DNAAF9: variants seen among roughly 807,000 people sequenced by gnomAD.
DNAAF9 encodes the protein shulin.
DNAAF9 carries 90 observed loss-of-function variants against 167.0 expected under a neutral mutation model. That is an observed-to-expected ratio of 0.54 (90% CI 0.45 to 0.64). DNAAF9 has a LOEUF of 0.64. DNAAF9 is among the 30% of genes least tolerant of loss of function. The pLI, the probability that DNAAF9 is intolerant of heterozygous loss-of-function variation, is 0.00. For missense variants in DNAAF9, 1,315 were observed against 1,442.2 expected (o/e 0.91, Z 1.43); for synonymous variants, 491 against 508.8 (o/e 0.96, Z 0.47).
intron 1 of DNAAF9, among the ~76,000 whole-genome samples, chr20:3,383,247 G>T (rs1199925052): frequency 1.4e-5 from 2 of 147,578 alleles, no homozygotes; most frequent in East Asian, 3.9e-4. Flanking sequence ...TCCAGGATCT[G>T]CCTCTAATAC....
rs1385233584 is a variant in DNAAF9 at position 3,323,560 on chromosome 20, C to T, written c.1266-864G>A. ...CCTCCCAAAGTGTTAAGATTACAGGCGTGAGCCACTGCGCCCCGCCCTCAG... is the reference window on the plus strand; with the variant it reads ...CCTCCCAAAGTGTTAAGATTACAGGTGTGAGCCACTGCGCCCCGCCCTCAG... On this transcript the variant is annotated intron_variant, in intron 14 of 36. Transcript: ENST00000252032. Among the ~76,000 whole-genome samples the T allele has an allele frequency of 3.9e-5, 6 of 152,166 alleles. No homozygotes were observed. The South Asian group carries it at 6.2e-4, about 16-fold the overall frequency.
chr20:3,253,922 T>C, intron 35 of DNAAF9, 103 bp from the exon 36 acceptor site: 1 of 707,518 alleles, frequency 1.4e-6, no homozygotes, highest in Admixed American at 2.3e-5. Context: ...TAGACTACTC[T>C]GCTATACAGA....
In DNAAF9 at chr20:3,377,239, T is replaced by C. The variant is rs2083587774; in HGVS notation, c.284-937A>G. On this transcript the variant is annotated intron_variant, in intron 3 of 36. Coordinates refer to ENST00000252032, the MANE Select transcript of DNAAF9 (RefSeq NM_001009984.3). ...CAGACTTAAAAAGGTACCAGATTCT[T>C]AGTTGATCTCCCCTGGATCAGGAAA... Among the ~76,000 whole-genome samples, 3 of 152,120 alleles carry C rather than the reference T, an allele frequency of 2.0e-5. No individual in the cohort carries two copies. In the South Asian group the frequency reaches 6.2e-4, roughly 32 times the overall value.
chr20:3,253,459 A>C (rs1410276708), intron 36 of DNAAF9, among the ~76,000 whole-genome samples: 2 of 152,208 alleles, frequency 1.3e-5, no homozygotes, highest in East Asian at 3.8e-4. Flanking sequence ...AAATTAAAAC[A>C]AGACAAAACC....
intron 12 of DNAAF9, among the ~76,000 whole-genome samples, chr20:3,328,890 G>GAT (rs1315044539): frequency 7.6e-6 from 1 of 131,438 alleles, no homozygotes; most frequent in African/African-American, 2.9e-5. Context: ...TTTTTTTTGA[G>GAT]ATAGAGTCTT....
At chr20:3,368,161 C>T (rs77488851) in intron 6 of DNAAF9, among the ~76,000 whole-genome samples, 9,464 of 152,176 alleles carry the variant, frequency 0.062, 376 homozygotes, top group Non-Finnish European at 0.082. Flanking sequence ...AATCTTTGGA[C>T]GGTTCTTTCC....
At chr20:3,262,830 G>A (rs2068416093) in intron 31 of DNAAF9, among the ~76,000 whole-genome samples, 1 of 152,108 alleles carries the variant, frequency 6.6e-6, no homozygotes, top group Non-Finnish European at 1.5e-5. Context: ...CATAAGAAAT[G>A]ACCCACTTAC....
chr20:3,328,371 G>T (rs533857584), intron 12 of DNAAF9, among the ~76,000 whole-genome samples: 2 of 151,906 alleles, frequency 1.3e-5, no homozygotes, highest in Non-Finnish European at 2.9e-5. Flanking sequence ...TAGTAGAGGC[G>T]GGGTTTCACC....
At position 3,294,265 on chromosome 20, in the gene DNAAF9, A is replaced by T; in HGVS notation, c.2121-9T>A. On this transcript the variant is annotated splice_polypyrimidine_tract_variant and intron_variant, in intron 24 of 36. Transcript: ENST00000252032. ...CGAAATGCTGGAGAAACCTAAAAAC[A>T]CAAAGACAATGCTATTATGTTACCA... The T allele has an allele frequency of 4.5e-6, 7 of 1,570,316 alleles. No individual in the cohort carries two copies. The highest frequency in any genetic ancestry group is 6.1e-6 in the Non-Finnish European group (7 of 1,140,230).
At position 3,270,539 on chromosome 20, in the gene DNAAF9, T is replaced by G. The variant is rs770317515; in HGVS notation, c.2674A>C (p.Thr892Pro). 6.2e-7 allele frequency: 1 copy of G among 1,612,700 alleles called. No homozygotes were observed. Among genetic ancestry groups the G allele is most frequent in the Non-Finnish European group, 8.5e-7 (1 of 1,179,556 alleles). The change falls in exon 30 of 37, where the codon ACC becomes CCC. Residue 892 changes from threonine to proline, a missense_variant. Transcript: ENST00000252032. ...SQGLVSNVVF[T>P]SHTTEQRHPL... The stretch of plus-strand genomic sequence containing the variant: ...TGCCGCTGCTCCGTGGTGTGACTGG[T>G]GAATACCACGTTACTCACCAGGCCT...
intron 16 of DNAAF9, among the ~76,000 whole-genome samples, chr20:3,320,701 C>T (rs1423203577): frequency 1.3e-5 from 2 of 152,126 alleles, no homozygotes; most frequent in African/African-American, 4.8e-5. Flanking sequence ...AAATTACAAC[C>T]TTAAAAAAAT....
At chr20:3,264,918 C>CA (rs1411784942) in intron 30 of DNAAF9, among the ~76,000 whole-genome samples, 1 of 152,170 alleles carries the variant, frequency 6.6e-6, no homozygotes, top group African/African-American at 2.4e-5. Context: ...CCCCTAAATA[C>CA]ATACAAGCAT....
intron 9 of DNAAF9, among the ~76,000 whole-genome samples, chr20:3,342,823 G>A (rs2070113785): frequency 1.3e-5 from 2 of 152,154 alleles, no homozygotes; most frequent in South Asian, 4.1e-4. Context: ...ATCTCCTGCT[G>A]ATCATGACAA....
rs752752371 is a variant in DNAAF9, at chr20:3,256,077, A to G, written c.3190T>C (p.Tyr1064His). The G allele has an allele frequency of 6.2e-7, 1 of 1,614,018 alleles. No individual in the cohort carries two copies. The highest frequency in any genetic ancestry group is 8.5e-7 in the Non-Finnish European group (1 of 1,179,984). ...AGGGAGCAGCCGATGAACACAAGGT[A>G]GCACTCCTGCTGCCCGCTGCTGTCT... ...SQDSSGQQEC[Y>H]LVFIGCSLKE... Residue 1064 changes from tyrosine to histidine, a missense_variant, in exon 34 of 37, where the codon TAC (tyrosine) becomes CAC (histidine). Physicochemically the swap from Tyr to His is moderately conservative, Grantham distance 83 (BLOSUM62 2). Transcript: ENST00000252032.
chr20:3,324,711 G>GC (rs764088008), intron 14 of DNAAF9, among the ~76,000 whole-genome samples, 181 bp downstream of exon 14: 28 of 152,138 alleles, frequency 1.8e-4, no homozygotes, highest in Non-Finnish European at 5.9e-5. Context: ...AACAGTTCCT[G>GC]CATCTTTGGC....
chr20:3,327,803 C>T (rs2069739093), intron 12 of DNAAF9, among the ~76,000 whole-genome samples: 1 of 152,214 alleles, frequency 6.6e-6, no homozygotes, highest in African/African-American at 2.4e-5. Flanking sequence ...CTTCAATTTC[C>T]TCCTTGGCTC....
intron 27 of DNAAF9, 142 bp downstream of exon 27, chr20:3,287,490 C>T (rs1326523473): frequency 1.3e-6 from 1 of 788,240 alleles, no homozygotes. Flanking sequence ...GGTCATTGCT[C>T]GCTTAAGGCT....
chr20:3,293,987 T>TG (rs3830902), intron 25 of DNAAF9, 152 bp downstream of exon 25: 134,884 of 617,922 alleles, frequency 0.22, 15,851 homozygotes, highest in African/African-American at 0.37. Context: ...AGGTTACATG[T>TG]TATCATTACA....
At chr20:3,267,014 G>A (rs1288207541) in intron 30 of DNAAF9, among the ~76,000 whole-genome samples, 8 of 151,834 alleles carry the variant, frequency 5.3e-5, no homozygotes, top group Non-Finnish European at 8.8e-5. Flanking sequence ...TACCATGCCC[G>A]GCTAATTTTA....
Sources: allele counts gnomAD v4.1 joint callset (sites outside exome capture counted in the v4.1 genomes callset), GRCh38; gene constraint gnomAD v4.1.1; transcripts MANE v1.5; gene names NCBI Gene and HGNC (gene_info 2026-07-23, HGNC 2026-07-21).